CLSTN3: variants seen among roughly 807,000 people sequenced by gnomAD.
CLSTN3 encodes calsyntenin 3.
CLSTN3 carries 36 observed loss-of-function variants against 95.9 expected under a neutral mutation model. The observed-to-expected ratio is 0.38, with a 90% CI of 0.29 to 0.50. CLSTN3 has a LOEUF of 0.50. Among genes scored for constraint, CLSTN3 ranks in the 20% least tolerant of loss-of-function variants. The pLI is 0.95. For missense variants in CLSTN3, 1,084 were observed against 1,268.8 expected (o/e 0.85, Z 2.21); for synonymous variants, 481 against 504.0 (o/e 0.95, Z 0.61).
In CLSTN3 at chr12:7,137,967, C is replaced by A. The variant is rs749011347; in HGVS notation, c.1223C>A (p.Ser408Tyr). The A allele has an allele frequency of 6.2e-7, 1 of 1,613,970 alleles. No individual in the cohort carries two copies. The highest frequency in any genetic ancestry group is 8.5e-7 in the Non-Finnish European group (1 of 1,179,908). Residue 408 changes from serine to tyrosine, a missense_variant, in exon 8 of 18, where the codon TCT becomes TAT. Physicochemically the swap from Ser to Tyr is moderately radical, Grantham distance 144 (BLOSUM62 -2). Coordinates refer to ENST00000266546, the MANE Select transcript of CLSTN3 (RefSeq NM_014718.4). This position sits in a 1 kb window ranked among gnomAD's most constrained non-coding sequence, Gnocchi z 4.4. ...CNTVQNEDGF[S>Y]HYSLTVHGCR... Reference sequence around the variant, plus strand: ...CCTGTGCCCTCAGAGGACGGCTTCTCTCACTACTCGCTGACTGTCCACGGC... The same window carrying A: ...CCTGTGCCCTCAGAGGACGGCTTCTATCACTACTCGCTGACTGTCCACGGC...
chr12:7,136,082 A>C (rs1591614503), intron 5 of CLSTN3, 124 bp from the exon 6 acceptor site: 1 of 1,492,406 alleles, frequency 6.7e-7, no homozygotes, highest in African/African-American at 1.4e-5. Flanking sequence ...GCAGCTATCT[A>C]CTCTAGCCGG....
intron 12 of CLSTN3, among the ~76,000 whole-genome samples, chr12:7,144,200 T>A (rs1939583582): frequency 8.0e-6 from 1 of 124,552 alleles, no homozygotes; most frequent in African/African-American, 3.2e-5. Flanking sequence ...ACCACTGCAC[T>A]CCAGCCTGGG....
chr12:7,130,575 G>T lies in CLSTN3; in HGVS notation c.-74G>T. 6.5e-7 allele frequency: 1 copy of T among 1,548,928 alleles called. No individual in the cohort carries two copies. On this transcript the variant is annotated 5_prime_UTR_variant, in exon 1 of 18. Coordinates refer to ENST00000266546, the MANE Select transcript of CLSTN3 (RefSeq NM_014718.4). ...CTTGGAGACCCCCTGTATCCCTCCC[G>T]CAAGGTGGAATCCGCAGGCTGGAGG...
Position 7,141,131 on chromosome 12 carries a change from C to T in CLSTN3, c.1324-111C>T. ...GCACTAGTAAGCCCTGTTGGTAGAACTGGGAATAAAGGGACTGTCCCCTGT... is the reference window on the plus strand; with the variant it reads ...GCACTAGTAAGCCCTGTTGGTAGAATTGGGAATAAAGGGACTGTCCCCTGT... On this transcript the variant is annotated intron_variant, in intron 8 of 17. Transcript: ENST00000266546. This position sits in a 1 kb window ranked among gnomAD's most constrained non-coding sequence, Gnocchi z 4.1. 8.4e-7 allele frequency: 1 copy of T among 1,192,020 alleles called. No homozygotes were observed. The highest frequency in any genetic ancestry group is 1.5e-5 in the South Asian group (1 of 65,044). The allele number at this position is 1,192,020 out of a possible 1,614,324, so 73.8% of individuals were successfully genotyped here. A position where few individuals can be genotyped will look rare whatever the true frequency, so the allele number is the denominator to read the frequency against.
chr12:7,143,383 G>C, intron 12 of CLSTN3, 72 bp downstream of exon 12: 3 of 1,520,868 alleles, frequency 2.0e-6, no homozygotes, highest in Non-Finnish European at 1.8e-6. Flanking sequence ...GGCCTAAGGC[G>C]TCACCTAGAG....
rs983912770 is a variant in CLSTN3, at chr12:7,133,138, G to A, written c.179G>A (p.Arg60His). 35 of 1,614,098 alleles carry A rather than the reference G, an allele frequency of 2.2e-5. No homozygotes were observed. Among genetic ancestry groups the A allele is most frequent in the Admixed American group, 3.3e-5 (2 of 60,002 alleles). The change falls in exon 2 of 18, where the codon CGC (arginine) becomes CAC (histidine). Residue 60 changes from arginine to histidine, a missense_variant. Physicochemically the swap from Arg to His is conservative, Grantham distance 29 (BLOSUM62 0). Coordinates refer to ENST00000266546, the MANE Select transcript of CLSTN3 (RefSeq NM_014718.4). This position sits in a 1 kb window ranked among gnomAD's most constrained non-coding sequence, Gnocchi z 4.7. ...LFALDKDAPL[R>H]YAGEICGFRL... The stretch of plus-strand genomic sequence containing the variant: ...GCCTTGGACAAGGATGCCCCGCTGC[G>A]CTATGCAGGTAATTGGGATTGGGGG...
chr12:7,130,972 G>C, intron 1 of CLSTN3: 1 of 572,472 alleles, frequency 1.7e-6, no homozygotes, highest in Non-Finnish European at 3.1e-6. Context: ...CTCCATTCCC[G>C]TCCTGGGGTC....
At position 7,141,375 on chromosome 12, in the gene CLSTN3, C is replaced by T. The variant is rs1400959051; in HGVS notation, c.1457C>T (p.Pro486Leu). ...CTCATCCACCCACCCCGAAGGGAGC[C>T]TGCTCTCATGATTGGGGCCTGCTGG... ...NGLIHPPRRE[P>L]ALMIGACWTE... The change falls in exon 9 of 18, where the codon CCT becomes CTT. Residue 486 changes from proline (P) to leucine (L), a missense_variant. Coordinates refer to ENST00000266546, the MANE Select transcript of CLSTN3 (RefSeq NM_014718.4). This position sits in a 1 kb window ranked among gnomAD's most constrained non-coding sequence, Gnocchi z 4.1. 6.2e-7 allele frequency: 1 copy of T among 1,614,100 alleles called. No homozygotes were observed. Among genetic ancestry groups the T allele is most frequent in the African/African-American group, 1.3e-5 (1 of 74,930 alleles).
intron 12 of CLSTN3, among the ~76,000 whole-genome samples, chr12:7,147,658 G>A (rs1939644017): frequency 1.3e-5 from 2 of 151,494 alleles, no homozygotes; most frequent in South Asian, 4.2e-4. Flanking sequence ...GGGACTACAA[G>A]CATCTACCAC....
Position 7,133,037 on chromosome 12 carries a change from G to A in CLSTN3, c.78G>A (p.Lys26=), listed in dbSNP as rs370085572. The change falls in exon 2 of 18, where the codon AAG becomes AAA. Residue 26 remains lysine (K), a synonymous_variant. Transcript: ENST00000266546. The surrounding 1 kb of genome is among the most constrained non-coding windows in gnomAD (Gnocchi z 4.7). ...GGGTGGGGCCAGCCAACAAGCACAA[G>A]CCATGGATTGAGGCAGAGTACCAGG... ...SCSCNKANKH[K]PWIEAEYQGI... 1.1e-4 allele frequency: 184 copies of A among 1,613,634 alleles called. No homozygotes were observed. Among genetic ancestry groups the A allele is most frequent in the Non-Finnish European group, 1.5e-4 (178 of 1,179,854 alleles).
At chr12:7,131,885 G>A (rs1454841306) in intron 1 of CLSTN3, 1 of 456,412 alleles carries the variant, frequency 2.2e-6, no homozygotes, top group Non-Finnish European at 4.4e-6. Context: ...TGTGGTTGGA[G>A]GAAAGAATGG....
rs1306668794 is a variant in CLSTN3 at position 7,149,475 on chromosome 12, T to A, written c.2075-48T>A. On this transcript the variant is annotated intron_variant, in intron 13 of 17. Transcript: ENST00000266546. The surrounding 1 kb of genome is among the most constrained non-coding windows in gnomAD (Gnocchi z 4.5). ...GAGGGCATGGTTGGGTCTCAGAACC[T>A]CCGTGGGCCCTTTGGCTCTGACCCA... The A allele has an allele frequency of 6.4e-7, 1 of 1,557,962 alleles. No homozygotes were observed. The highest frequency in any genetic ancestry group is 1.2e-5 in the South Asian group (1 of 82,776).
rs149527518 is a variant in CLSTN3, at chr12:7,141,570, T to A, written c.1486+166T>A. 3.7e-4 allele frequency among the ~76,000 whole-genome samples: 57 copies of A among 152,272 alleles called. No homozygotes were observed. In the East Asian group the frequency reaches 8.9e-3, roughly 24 times the overall value. On this transcript the variant is annotated intron_variant, in intron 9 of 17. Coordinates refer to ENST00000266546, the MANE Select transcript of CLSTN3 (RefSeq NM_014718.4). This position sits in a 1 kb window ranked among gnomAD's most constrained non-coding sequence, Gnocchi z 4.1. ...CCATGGGAAGGGACCACAGCCTCCC[T>A]CCCGTATCTCCCACTAATCCAATGG...
chr12:7,135,658 A>G (rs1413972758), intron 4 of CLSTN3, 123 bp downstream of exon 4: 4 of 1,342,600 alleles, frequency 3.0e-6, no homozygotes, highest in Admixed American at 1.9e-5. Flanking sequence ...CTTCTTCCCA[A>G]ATGGAGCCTT....
intron 16 of CLSTN3, among the ~76,000 whole-genome samples, chr12:7,153,141 C>T (rs1212190236): frequency 1.3e-5 from 2 of 151,840 alleles, no homozygotes; most frequent in African/African-American, 4.8e-5. Flanking sequence ...CCTTGCTGTC[C>T]CTGAAAACAA....
At position 7,158,170 on chromosome 12, in the gene CLSTN3, GA is replaced by G; in HGVS notation, c.*90del. On this transcript the variant is annotated 3_prime_UTR_variant, in exon 18 of 18. Coordinates refer to ENST00000266546, the MANE Select transcript of CLSTN3 (RefSeq NM_014718.4). ...GGGAGAAGGACTTTCTGGGAACACA[GA>G]GACCAAGAGGGAGAGAGGCTTCAGA... The G allele has an allele frequency of 7.1e-7, 1 of 1,408,396 alleles. No individual in the cohort carries two copies. Among genetic ancestry groups the G allele is most frequent in the Non-Finnish European group, 9.4e-7 (1 of 1,064,524 alleles). 87.2% of individuals were successfully genotyped at this position (1,408,396 alleles called of 1,614,324 possible).
In CLSTN3 at chr12:7,135,486, C is replaced by T. The variant is rs140264751; in HGVS notation, c.543C>T (p.Cys181=). ...GCTCCCCCCAGTACAGCCAGATCTG[C>T]TACTATGAGATTCTCACACCCAACA... ...GDCSPQYSQI[C]YYEILTPNTP... is the part of the protein sequence containing the mutation. The change falls in exon 4 of 18, where the codon TGC becomes TGT. Residue 181 remains cysteine (C), a synonymous_variant. Coordinates refer to ENST00000266546, the MANE Select transcript of CLSTN3 (RefSeq NM_014718.4). 29 of 1,614,026 alleles carry T rather than the reference C, an allele frequency of 1.8e-5. No homozygotes were observed. The African/African-American group carries it at 3.9e-4, about 22-fold the overall frequency.
At chr12:7,143,405 T>A in intron 12 of CLSTN3, 94 bp downstream of exon 12, 2 of 1,402,624 alleles carry the variant, frequency 1.4e-6, no homozygotes, top group Non-Finnish European at 1.9e-6. Context: ...TAGGCATACC[T>A]CTTTTGTTTT....
Position 7,157,347 on chromosome 12 carries a change from G to C in CLSTN3, c.2528-142G>C. On this transcript the variant is annotated intron_variant, in intron 16 of 17. Coordinates refer to ENST00000266546, the MANE Select transcript of CLSTN3 (RefSeq NM_014718.4). The surrounding 1 kb of genome is among the most constrained non-coding windows in gnomAD (Gnocchi z 5.9). The stretch of plus-strand genomic sequence containing the variant: ...GCTGTTTCTCTTCTGGCTTCTCCAG[G>C]TGTTCCTCTCTTCTCGGCCACCGTG... 1 of 663,192 alleles carries C rather than the reference G, an allele frequency of 1.5e-6. No individual in the cohort carries two copies. The highest frequency in any genetic ancestry group is 2.4e-6 in the Non-Finnish European group (1 of 409,170). The allele number at this position is 663,192 out of a possible 1,614,324, so 41.1% of individuals were successfully genotyped here.
Sources: gnomAD v4.1 joint callset for allele counts (sites outside exome capture counted in the v4.1 genomes callset) on GRCh38, gnomAD v4.1.1 for gene constraint, Gnocchi (gnomAD v3.1) non-coding constraint, MANE v1.5 for transcripts, NCBI Gene and HGNC (gene_info 2026-07-23, HGNC 2026-07-21) for gene names.